ZYG11B: variants seen among roughly 807,000 people sequenced by gnomAD.
ZYG11B encodes the protein protein zyg-11 homolog B.
In ZYG11B, 36 loss-of-function variants were observed where a neutral mutation model predicts 82.4. That is an observed-to-expected ratio of 0.44 (90% CI 0.33 to 0.58). The LOEUF is 0.58. Among genes scored for constraint, ZYG11B ranks in the 20% least tolerant of loss-of-function variants. The probability of loss-of-function intolerance (pLI) is 0.02; values close to 1 mark genes in which losing one functional copy is unlikely to be tolerated. For missense variants in ZYG11B, 552 were observed against 895.6 expected (o/e 0.62, Z 4.90); for synonymous variants, 303 against 312.8 (o/e 0.97, Z 0.33).
intron 10 of ZYG11B, among the ~76,000 whole-genome samples, chr1:52,804,182 G>A (rs1645121587): frequency 6.6e-6 from 1 of 152,078 alleles, no homozygotes; most frequent in Non-Finnish European, 1.5e-5. Context: ...GAGTTTGAGG[G>A]CTGCAGTGAG....
intron 6 of ZYG11B, among the ~76,000 whole-genome samples, chr1:52,795,224 C>T (rs561006261): frequency 8.5e-5 from 13 of 152,182 alleles, no homozygotes; most frequent in African/African-American, 2.4e-4. Context: ...GAGATCTGGT[C>T]GTTTAAAAGT....
At position 52,783,805 on chromosome 1, in the gene ZYG11B, T is replaced by TACACACACACAC. The variant is rs144122989; in HGVS notation, c.1093-1062_1093-1061insACACACACACAC. 8.7e-3 allele frequency among the ~76,000 whole-genome samples: 1,169 copies of TACACACACACAC among 134,866 alleles called. 23 individuals carry two copies. In the Middle Eastern group the frequency reaches 0.12, roughly 14 times the overall value. 88.5% of individuals were successfully genotyped at this position (134,866 alleles called of 152,430 possible). Reference sequence around the variant, plus strand: ...GCCCAGCTTTATATATATATATATATACACACACACGTATATGTATACATA... The same window carrying TACACACACACAC: ...GCCCAGCTTTATATATATATATATATACACACACACACACACACACACGTATATGTATACATA... On this transcript the variant is annotated intron_variant, in intron 4 of 13. Transcript: ENST00000294353.
chr1:52,735,563 GTC>G (rs1372283328), intron 1 of ZYG11B, among the ~76,000 whole-genome samples: 2 of 151,432 alleles, frequency 1.3e-5, no homozygotes, highest in South Asian at 4.2e-4. Context: ...TTGAGACAGA[GTC>G]TCTCTCTGCC....
At chr1:52,734,533 C>T (rs1644361985) in intron 1 of ZYG11B, among the ~76,000 whole-genome samples, 1 of 150,606 alleles carries the variant, frequency 6.6e-6, no homozygotes, top group Non-Finnish European at 1.5e-5. Flanking sequence ...GCCTGTGATA[C>T]CAGCTACTCA....
intron 1 of ZYG11B, among the ~76,000 whole-genome samples, chr1:52,753,689 C>T (rs910298100): frequency 5.9e-5 from 9 of 151,458 alleles, no homozygotes; most frequent in African/African-American, 2.2e-4. Context: ...CTCTGCCTCC[C>T]GGGTGCAAGC....
intron 1 of ZYG11B, among the ~76,000 whole-genome samples, chr1:52,755,616 C>G (rs1298217663): frequency 1.3e-5 from 2 of 152,208 alleles, no homozygotes; most frequent in Non-Finnish European, 2.9e-5. Flanking sequence ...GTTCTCCTGC[C>G]TCAGCCTCCC....
At chr1:52,789,233 C>A (rs1644936350) in intron 5 of ZYG11B, among the ~76,000 whole-genome samples, 1 of 152,132 alleles carries the variant, frequency 6.6e-6, no homozygotes, top group South Asian at 2.1e-4. Context: ...TATTTCTTGA[C>A]TAGCTGTATA....
At chr1:52,783,372 C>T (rs988252744) in intron 4 of ZYG11B, among the ~76,000 whole-genome samples, 1 of 151,702 alleles carries the variant, frequency 6.6e-6, no homozygotes, top group African/African-American at 2.4e-5. Context: ...TATGAATGAT[C>T]CAGTACAGAA....
chr1:52,758,930 A>G lies in ZYG11B; in HGVS notation c.196+2307A>G, dbSNP rs141809738. On this transcript the variant is annotated intron_variant, in intron 2 of 13. Coordinates refer to ENST00000294353, the MANE Select transcript of ZYG11B (RefSeq NM_024646.3). ...CCAATTTAATGATTATGCTCAGTAT[A>G]TTATTATTATTATTATTTTGAGATG... 2.8e-4 allele frequency among the ~76,000 whole-genome samples: 43 copies of G among 151,600 alleles called. 1 individual carries two copies. The East Asian group carries it at 7.7e-3, about 27-fold the overall frequency.
intron 10 of ZYG11B, among the ~76,000 whole-genome samples, chr1:52,803,477 T>C (rs1020510392): frequency 4.7e-5 from 7 of 149,428 alleles, no homozygotes; most frequent in South Asian, 2.1e-4. Context: ...TATATGTGTG[T>C]GTGTGTGTAT....
chr1:52,799,606 A>G (rs2477741), intron 8 of ZYG11B, among the ~76,000 whole-genome samples: 89,821 of 151,422 alleles, frequency 0.59, 29,335 homozygotes, highest in East Asian at 0.97. Context: ...TCATGGTGTC[A>G]AACATGGTGA....
Position 52,756,493 on chromosome 1 carries a change from C to T in ZYG11B, c.66C>T (p.Cys22=), listed in dbSNP as rs373973699. 7.4e-6 allele frequency: 12 copies of T among 1,613,962 alleles called. No individual in the cohort carries two copies. Among genetic ancestry groups the T allele is most frequent in the African/African-American group, 6.7e-5 (5 of 74,906 alleles). The change falls in exon 2 of 14, where the codon TGC becomes TGT. Residue 22 remains cysteine, a synonymous_variant. Coordinates refer to ENST00000294353, the MANE Select transcript of ZYG11B (RefSeq NM_024646.3). ...EASPYSLLDI[C]LNFLTTHLEK... ...CTCCCTATTCCTTACTTGATATCTG[C>T]TTGAATTTCTTGACTACTCACCTTG...
At chr1:52,769,316 A>C (rs936547887) in intron 2 of ZYG11B, among the ~76,000 whole-genome samples, 38 of 152,372 alleles carry the variant, frequency 2.5e-4, no homozygotes, top group African/African-American at 7.5e-4. Context: ...CGGTGGCCAC[A>C]TAAAAAAATA....
intron 1 of ZYG11B, among the ~76,000 whole-genome samples, chr1:52,746,693 T>TG (rs1470616466): frequency 8.3e-6 from 1 of 120,700 alleles, no homozygotes; most frequent in African/African-American, 3.4e-5. Context: ...CACTGTTTTT[T>TG]TTTTTTTTTT....
intron 1 of ZYG11B, among the ~76,000 whole-genome samples, chr1:52,738,667 G>T (rs1331595394): frequency 6.8e-6 from 1 of 147,610 alleles, no homozygotes; most frequent in Non-Finnish European, 1.5e-5. Context: ...GCAATGGTGT[G>T]ATCTTGGCTC....
intron 1 of ZYG11B, among the ~76,000 whole-genome samples, chr1:52,755,409 A>C (rs1295267547): frequency 2.0e-5 from 3 of 152,178 alleles, no homozygotes; most frequent in South Asian, 4.1e-4. Flanking sequence ...TTACTTTAGT[A>C]ATCAAAGTCT....
chr1:52,817,773 A>G (rs1287519105), intron 13 of ZYG11B, among the ~76,000 whole-genome samples: 9 of 37,740 alleles, frequency 2.4e-4, no homozygotes, highest in Admixed American at 4.9e-4. Flanking sequence ...GTGTATATAT[A>G]TGTGTATATA....
At chr1:52,766,126 T>TC (rs1398032930) in intron 2 of ZYG11B, among the ~76,000 whole-genome samples, 3 of 149,820 alleles carry the variant, frequency 2.0e-5, no homozygotes, top group Non-Finnish European at 4.5e-5. Flanking sequence ...TTAAATTTTT[T>TC]TTTTTTTTTT....
chr1:52,783,116 G>A lies in ZYG11B; in HGVS notation c.1093-1761G>A, dbSNP rs189779982. On this transcript the variant is annotated intron_variant, in intron 4 of 13. Transcript: ENST00000294353. ...TAATTTTTATATTTTTAGTAGAGAC[G>A]AGGTTTCACCATGTTGGCCAGGCTG... Among the ~76,000 whole-genome samples the A allele has an allele frequency of 3.6e-3, 546 of 151,684 alleles. 1 individual carries two copies. Among genetic ancestry groups the A allele is most frequent in the Admixed American group, 6.2e-3 (94 of 15,214 alleles).
Sources: allele counts gnomAD v4.1 joint callset (sites outside exome capture counted in the v4.1 genomes callset), GRCh38; gene constraint gnomAD v4.1.1; transcripts MANE v1.5; gene names NCBI Gene and HGNC (gene_info 2026-07-23, HGNC 2026-07-21).